TARS2: variants seen among roughly 807,000 people sequenced by gnomAD.
TARS2 encodes the protein threonyl-tRNA synthetase 2, mitochondrial.
TARS2 carries 61 observed loss-of-function variants against 94.4 expected under a neutral mutation model. That is an observed-to-expected ratio of 0.65 (90% CI 0.53 to 0.80). The LOEUF (loss-of-function observed/expected upper bound fraction) is 0.80. Ranked by LOEUF, TARS2 falls within the 30% of genes least tolerant of loss-of-function variation. TARS2 has a pLI of 0.00. For missense variants in TARS2, 704 were observed against 902.5 expected (o/e 0.78, Z 2.82); for synonymous variants, 359 against 353.4 (o/e 1.02, Z -0.18).
intron 2 of TARS2, chr1:150,488,315 A>G: frequency 2.7e-6 from 1 of 365,934 alleles, no homozygotes; most frequent in Non-Finnish European, 5.0e-6. Flanking sequence ...GATTACAGGC[A>G]TGAGCCACCA....
intron 13 of TARS2, among the ~76,000 whole-genome samples, chr1:150,502,385 A>T (rs368414442): frequency 0.023 from 2,872 of 122,862 alleles, 123 homozygotes; most frequent in African/African-American, 0.082. Context: ...CGCCCAGCTA[A>T]TTTTTTTTTT....
intron 13 of TARS2, among the ~76,000 whole-genome samples, chr1:150,503,625 GTATATATGTGTGTGTA>G (rs1670047365): frequency 5.9e-5 from 7 of 118,656 alleles, no homozygotes; most frequent in African/African-American, 2.2e-4. Context: ...ATATGTGTGT[GTATATATGTGTGTGTA>G]TATATGTGTG....
At position 150,497,623 on chromosome 1, in the gene TARS2, C is replaced by G; in HGVS notation, c.1114C>G (p.Gln372Glu). Residue 372 changes from glutamine to glutamate, a missense_variant, in exon 10 of 18, where the codon CAG becomes GAG. Physicochemically the swap from Gln to Glu is conservative, Grantham distance 29 (BLOSUM62 2). This residue lies in a region of TARS2 where 466 missense variants were observed against 609.5 expected (regional missense o/e 0.76). Coordinates refer to ENST00000369064, the MANE Select transcript of TARS2 (RefSeq NM_025150.5). ...ACAGTCAGGGCACTGGGAGCATTATCAGGAAGACATGTTTGCCGTGCAGCC... is the reference window on the plus strand; with the variant it reads ...ACAGTCAGGGCACTGGGAGCATTATGAGGAAGACATGTTTGCCGTGCAGCC... ...WEQSGHWEHYQEDMFAVQPPG... is the reference protein window; with the variant it reads ...WEQSGHWEHYEEDMFAVQPPG... 1 of 1,614,194 alleles carries G rather than the reference C, an allele frequency of 6.2e-7. No individual in the cohort carries two copies. Among genetic ancestry groups the G allele is most frequent in the South Asian group, 1.1e-5 (1 of 91,090 alleles).
chr1:150,506,123 G>T (rs587633247), intron 17 of TARS2, among the ~76,000 whole-genome samples: 1 of 152,148 alleles, frequency 6.6e-6, no homozygotes, highest in East Asian at 1.9e-4. Flanking sequence ...TCATTTTCCA[G>T]GGTTCAGGGC....
At chr1:150,496,775 T>C in intron 8 of TARS2, 35 bp from the exon 9 acceptor site, 4 of 1,611,038 alleles carry the variant, frequency 2.5e-6, no homozygotes, top group Non-Finnish European at 3.4e-6. Context: ...CTCCTTGCCC[T>C]TGAGGTGACC....
chr1:150,492,290 C>T, intron 6 of TARS2, 121 bp from the exon 7 acceptor site: 1 of 1,017,036 alleles, frequency 9.8e-7, no homozygotes, highest in Non-Finnish European at 1.5e-6. Context: ...TCTGCCATTG[C>T]CCTCTCTCAG....
chr1:150,506,888 G>T (rs1259898889), intron 17 of TARS2, 28 bp from the exon 18 acceptor site: 4 of 1,612,818 alleles, frequency 2.5e-6, no homozygotes, highest in Non-Finnish European at 3.4e-6. Flanking sequence ...AATTTGCCCT[G>T]AGGTTCCCAA....
In TARS2 at chr1:150,507,321, G is replaced by A; in HGVS notation, c.*257G>A. On this transcript the variant is annotated 3_prime_UTR_variant, in exon 18 of 18. Transcript: ENST00000369064. ...GCAGTGGCTCATGCCTGTAATCCCAGCACTCTGGGAGGCTGAGGCGGACGG... is the reference window on the plus strand; with the variant it reads ...GCAGTGGCTCATGCCTGTAATCCCAACACTCTGGGAGGCTGAGGCGGACGG... 1 of 389,618 alleles carries A rather than the reference G, an allele frequency of 2.6e-6. No individual in the cohort carries two copies. The highest frequency in any genetic ancestry group is 4.6e-6 in the Non-Finnish European group (1 of 216,074). The allele number at this position is 389,618 out of a possible 1,614,324, so 24.1% of individuals were successfully genotyped here.
At chr1:150,499,755 T>A (rs981962256) in intron 13 of TARS2, among the ~76,000 whole-genome samples, 1 of 152,164 alleles carries the variant, frequency 6.6e-6, no homozygotes, top group African/African-American at 2.4e-5. Context: ...TGAGGGCTGC[T>A]GAAGGTAAAT....
chr1:150,505,488 A>G (rs946699758), intron 16 of TARS2, 103 bp from the exon 17 acceptor site: 26 of 1,040,990 alleles, frequency 2.5e-5, no homozygotes, highest in Middle Eastern at 3.0e-4. Flanking sequence ...CGAGGCAGGG[A>G]AAGGAGGAAC....
At chr1:150,494,227 T>A (rs1669539102) in intron 7 of TARS2, among the ~76,000 whole-genome samples, 1 of 149,116 alleles carries the variant, frequency 6.7e-6, no homozygotes, top group Admixed American at 6.7e-5. Context: ...ATTAGCTGGG[T>A]GTGCTGGCCT....
chr1:150,490,114 CTTTT>C (rs772454527), intron 3 of TARS2, among the ~76,000 whole-genome samples: 2 of 80,178 alleles, frequency 2.5e-5, no homozygotes, highest in African/African-American at 1.0e-4. Context: ...TCTATTCAGT[CTTTT>C]TTTTTTTTTT....
At position 150,491,438 on chromosome 1, in the gene TARS2, A is replaced by G; in HGVS notation, c.557A>G (p.Gln186Arg). Reference protein sequence around the residue: ...SELPVLERICQELTAAARPFR... With the variant: ...SELPVLERICRELTAAARPFR... ...CTGCCTGTTTTGGAGCGGATTTGCC[A>G]GGAACTTACAGCTGCTGCTCGACCC... The change falls in exon 5 of 18, where the codon CAG (glutamine) becomes CGG (arginine). Residue 186 changes from glutamine (Q) to arginine (R), a missense_variant. Coordinates refer to ENST00000369064, the MANE Select transcript of TARS2 (RefSeq NM_025150.5). 1 of 1,613,838 alleles carries G rather than the reference A, an allele frequency of 6.2e-7. No individual in the cohort carries two copies. Among genetic ancestry groups the G allele is most frequent in the Non-Finnish European group, 8.5e-7 (1 of 1,180,052 alleles).
intron 13 of TARS2, among the ~76,000 whole-genome samples, chr1:150,500,162 G>T (rs1669849493): frequency 6.6e-6 from 1 of 151,976 alleles, no homozygotes. Context: ...GGGTGATAGA[G>T]TGAGACCCTG....
At chr1:150,504,801 C>G (rs1223945858) in intron 15 of TARS2, 68 bp downstream of exon 15, 1 of 1,605,264 alleles carries the variant, frequency 6.2e-7, no homozygotes. Flanking sequence ...ATCCTGTCCC[C>G]CTTCATATGC....
At chr1:150,491,135 G>A (rs375546421) in intron 4 of TARS2, among the ~76,000 whole-genome samples, 22 of 151,706 alleles carry the variant, frequency 1.5e-4, no homozygotes, top group East Asian at 9.7e-4. Context: ...TTACTTAATC[G>A]CCCTCATTAC....
intron 13 of TARS2, 82 bp downstream of exon 13, chr1:150,499,375 T>TC: frequency 7.1e-7 from 1 of 1,417,486 alleles, no homozygotes; most frequent in South Asian, 1.2e-5. Context: ...ACAAAGAATT[T>TC]TTTTTTTTGA....
At position 150,491,429 on chromosome 1, in the gene TARS2, G is replaced by A. The variant is rs762368446; in HGVS notation, c.548G>A (p.Arg183Gln). 12 of 1,613,422 alleles carry A rather than the reference G, an allele frequency of 7.4e-6. No homozygotes were observed. Among genetic ancestry groups the A allele is most frequent in the South Asian group, 3.3e-5 (3 of 91,056 alleles). ...IRGSELPVLE[R>Q]ICQELTAAAR... ...GGCTCAGAGCTGCCTGTTTTGGAGC[G>A]GATTTGCCAGGAACTTACAGCTGCT... Residue 183 changes from arginine to glutamine, a missense_variant, in exon 5 of 18, where the codon CGG becomes CAG. Arg to Gln is a conservative substitution (Grantham distance 43). Around this residue, in one of 3 missense-constraint regions of TARS2, gnomAD observed 208 missense variants for 228.5 expected, o/e 0.91. Coordinates refer to ENST00000369064, the MANE Select transcript of TARS2 (RefSeq NM_025150.5).
intron 3 of TARS2, 82 bp from the exon 4 acceptor site, chr1:150,490,519 A>G (rs1028257666): frequency 5.3e-6 from 8 of 1,518,706 alleles, no homozygotes; most frequent in Non-Finnish European, 7.0e-6. Flanking sequence ...CTTTCCTACC[A>G]GCTTTTGTGA....
Sources: gnomAD v4.1 joint callset for allele counts (sites outside exome capture counted in the v4.1 genomes callset) on GRCh38, gnomAD v4.1.1 for gene constraint, gnomAD v4.1.1 regional missense constraint, MANE v1.5 for transcripts, NCBI Gene and HGNC (gene_info 2026-07-23, HGNC 2026-07-21) for gene names.